BAZ2B: variants seen among roughly 807,000 people sequenced by gnomAD.
The protein encoded by BAZ2B is bromodomain adjacent to zinc finger domain protein 2B.
In BAZ2B, 91 loss-of-function variants were observed where a neutral mutation model predicts 246.0. The observed-to-expected ratio is 0.37, with a 90% confidence interval of 0.31 to 0.44. The LOEUF (loss-of-function observed/expected upper bound fraction) is 0.44. Among genes scored for constraint, BAZ2B ranks in the 20% least tolerant of loss-of-function variants. The pLI, the probability that BAZ2B is intolerant of heterozygous loss-of-function variation, is 1.00. For missense variants in BAZ2B, 2,332 were observed against 2,533.7 expected, an observed-to-expected ratio of 0.92 and a Z score of 1.71; for synonymous variants, 855 against 860.0, an observed-to-expected ratio of 0.99 and a Z score of 0.10.
intron 1 of BAZ2B, among the ~76,000 whole-genome samples, chr2:159,585,761 T>G (rs1466210064): frequency 7.9e-5 from 12 of 152,260 alleles, no homozygotes; most frequent in Non-Finnish European, 1.6e-4. Flanking sequence ...AATATAGTGA[T>G]GCCTTCATTC....
intron 2 of BAZ2B, among the ~76,000 whole-genome samples, chr2:159,551,058 T>TA (rs2088113559): frequency 6.6e-6 from 1 of 152,126 alleles, no homozygotes; most frequent in African/African-American, 2.4e-5. Flanking sequence ...GGTTGGTCTT[T>TA]AACTCCAGGG....
At position 159,398,824 on chromosome 2, in the gene BAZ2B, C is replaced by T; in HGVS notation, c.2964+5G>A. The T allele has an allele frequency of 6.2e-7, 1 of 1,609,416 alleles. No homozygotes were observed. The highest frequency in any genetic ancestry group is 1.1e-5 in the South Asian group (1 of 90,828). On this transcript the variant is annotated splice_donor_5th_base_variant and intron_variant, in intron 18 of 36. Transcript: ENST00000392783. ...ATAAAAACTCTGATTCTCATCTAAA[C>T]TAACCTTTATTCGTTTCTCGGCCTC...
intron 2 of BAZ2B, among the ~76,000 whole-genome samples, chr2:159,494,227 C>A (rs912748904): frequency 3.3e-5 from 5 of 152,058 alleles, no homozygotes; most frequent in Non-Finnish European, 5.9e-5. Context: ...AACTTCGGGT[C>A]ATAACCCATT....
At chr2:159,445,782 G>T (rs2074143752) in intron 6 of BAZ2B, among the ~76,000 whole-genome samples, 1 of 152,154 alleles carries the variant, frequency 6.6e-6, no homozygotes, top group African/African-American at 2.4e-5. Context: ...CCCATTGGCA[G>T]CCACAGCGTA....
chr2:159,438,268 T>C (rs3213791), intron 8 of BAZ2B, 35 bp downstream of exon 8: 195,066 of 1,552,446 alleles, frequency 0.13, 13,671 homozygotes, highest in South Asian at 0.24. Context: ...CTTTCTCTAA[T>C]AGTAAAATTC....
At chr2:159,490,877 T>C (rs1473898119) in intron 2 of BAZ2B, among the ~76,000 whole-genome samples, 1 of 152,088 alleles carries the variant, frequency 6.6e-6, no homozygotes, top group Non-Finnish European at 1.5e-5. Context: ...TCAGCTTCCA[T>C]TTTTCTCAGA....
the BAZ2B span, among the ~76,000 whole-genome samples, chr2:159,631,882 G>A: frequency 6.6e-6 from 1 of 151,818 alleles, no homozygotes; most frequent in African/African-American, 2.4e-5. Flanking sequence ...TCCAATACAT[G>A]TATGTGTATA....
At chr2:159,603,496 C>T (rs1326206676) in intron 1 of BAZ2B, among the ~76,000 whole-genome samples, 2 of 152,072 alleles carry the variant, frequency 1.3e-5, no homozygotes. Context: ...GAGTATCCCT[C>T]GTTCTAGTTC....
chr2:159,686,262 AAGAG>A, the BAZ2B span, among the ~76,000 whole-genome samples: 2 of 151,574 alleles, frequency 1.3e-5, no homozygotes, highest in African/African-American at 4.8e-5. Flanking sequence ...CTACTTTAAA[AAGAG>A]AGAGAGAGAG....
At chr2:159,374,443 G>A (rs566390197) in intron 26 of BAZ2B, among the ~76,000 whole-genome samples, 22 of 152,240 alleles carry the variant, frequency 1.4e-4, no homozygotes, top group African/African-American at 5.1e-4. Context: ...CTCTGATTAA[G>A]TTCAATATCA....
rs1412502408 is a variant in BAZ2B at position 159,354,593 on chromosome 2, C to T, written c.4214-4236G>A. ...CTCGAACTCATGACCTCACGTGATCCGCATGCCTCAGCCTCCCAAAGTGCT... is the reference window on the plus strand; with the variant it reads ...CTCGAACTCATGACCTCACGTGATCTGCATGCCTCAGCCTCCCAAAGTGCT... On this transcript the variant is annotated intron_variant, in intron 27 of 36. Transcript: ENST00000392783. Among the ~76,000 whole-genome samples, 3 of 152,090 alleles carry T rather than the reference C, an allele frequency of 2.0e-5. No homozygotes were observed. The East Asian group carries it at 5.8e-4, about 29-fold the overall frequency.
At chr2:159,547,789 T>A (rs549462043) in intron 2 of BAZ2B, among the ~76,000 whole-genome samples, 1 of 152,342 alleles carries the variant, frequency 6.6e-6, no homozygotes, top group South Asian at 2.1e-4. Flanking sequence ...TTTCTTTTTT[T>A]AAGACAGATT....
At chr2:159,652,415 G>GT in the BAZ2B span, among the ~76,000 whole-genome samples, 2 of 151,962 alleles carry the variant, frequency 1.3e-5, no homozygotes, top group African/African-American at 4.8e-5. Flanking sequence ...TCATCATGTT[G>GT]GCCAGGCTAG....
rs185005117 is a variant in BAZ2B, at chr2:159,475,304, G to A, written c.145+3271C>T. Among the ~76,000 whole-genome samples the A allele has an allele frequency of 4.6e-3, 694 of 151,832 alleles. 10 individuals are homozygous for A. Among genetic ancestry groups the A allele is most frequent in the African/African-American group, 0.016 (661 of 41,440 alleles). On this transcript the variant is annotated intron_variant, in intron 3 of 36. Transcript: ENST00000392783. ...CTTCATGCTTTATTTCATTATGTTG[G>A]TTCAATCTCTGATATCCTTTCGTCT...
chr2:159,430,587 T>C (rs1356034302), intron 10 of BAZ2B, among the ~76,000 whole-genome samples: 1 of 152,174 alleles, frequency 6.6e-6, no homozygotes, highest in East Asian at 1.9e-4. Flanking sequence ...AATTAAATTC[T>C]ATATTCTAGA....
chr2:159,709,099 C>T, the BAZ2B span, among the ~76,000 whole-genome samples: 1 of 151,466 alleles, frequency 6.6e-6, no homozygotes, highest in African/African-American at 2.4e-5. Context: ...GTAATATATC[C>T]CTTAGAAGTA....
Position 159,336,828 on chromosome 2 carries a change from G to A in BAZ2B, c.5796+114C>T, listed in dbSNP as rs1575726405. The A allele has an allele frequency of 4.3e-6, 4 of 935,266 alleles. No homozygotes were observed. In the East Asian group the frequency reaches 1.2e-4, roughly 27 times the overall value. The allele number at this position is 935,266 out of a possible 1,614,324, so 57.9% of individuals were successfully genotyped here. ...CTTTTAGAATTAGAAAAACTCTCAA[G>A]TATAGCATACATTATTATGACAATA... On this transcript the variant is annotated intron_variant, in intron 33 of 36. Transcript: ENST00000392783.
chr2:159,542,115 C>T (rs2086728239), intron 2 of BAZ2B, among the ~76,000 whole-genome samples: 1 of 152,134 alleles, frequency 6.6e-6, no homozygotes, highest in South Asian at 2.1e-4. Flanking sequence ...GATAGGTCAA[C>T]TGAGATTATT....
chr2:159,671,654 G>A, the BAZ2B span, among the ~76,000 whole-genome samples: 1 of 152,082 alleles, frequency 6.6e-6, no homozygotes, highest in African/African-American at 2.4e-5. Flanking sequence ...GGAATACTCA[G>A]TATATTAGTC....
Sources: gnomAD v4.1 joint callset for allele counts (sites outside exome capture counted in the v4.1 genomes callset) on GRCh38, gnomAD v4.1.1 for gene constraint, MANE v1.5 for transcripts, NCBI Gene and HGNC (gene_info 2026-07-23, HGNC 2026-07-21) for gene names.